Variants in NCKAP5 observed in about 807,000 individuals in gnomAD.
NCKAP5 encodes NCK associated protein 5.
NCKAP5 carries 92 observed loss-of-function variants against 167.0 expected under a neutral mutation model. The observed-to-expected ratio is 0.55, with a 90% CI of 0.47 to 0.66. The LOEUF is 0.66. Ranked by LOEUF, NCKAP5 falls within the 30% of genes least tolerant of loss-of-function variation. The pLI, the probability that NCKAP5 is intolerant of heterozygous loss-of-function variation, is 0.00. For missense variants in NCKAP5, 2,378 were observed against 2,315.0 expected, an observed-to-expected ratio of 1.03 and a Z score of -0.56; for synonymous variants, 891 against 877.4, an observed-to-expected ratio of 1.02 and a Z score of -0.27.
intron 2 of NCKAP5, among the ~76,000 whole-genome samples, chr2:133,532,481 TTC>T (rs1331811162): frequency 6.6e-6 from 1 of 152,326 alleles, no homozygotes; most frequent in African/African-American, 2.4e-5. Context: ...GTTCTTGTTT[TTC>T]TCTTTTATTG....
chr2:133,531,108 C>T (rs933867287), intron 2 of NCKAP5, among the ~76,000 whole-genome samples: 4 of 149,860 alleles, frequency 2.7e-5, no homozygotes, highest in African/African-American at 9.9e-5. Context: ...TCACATCCTT[C>T]AGTAAAGGAT....
intron 2 of NCKAP5, among the ~76,000 whole-genome samples, chr2:133,546,417 C>T (rs1369701819): frequency 6.6e-6 from 1 of 152,190 alleles, no homozygotes; most frequent in African/African-American, 2.4e-5. Context: ...TTCCCTGGAG[C>T]ATTCTTCAGC....
chr2:133,610,000 A>G, the NCKAP5 span, among the ~76,000 whole-genome samples: 1 of 152,158 alleles, frequency 6.6e-6, no homozygotes, highest in African/African-American at 2.4e-5. Flanking sequence ...TAACTTTCAA[A>G]CACCTGCTTG....
intron 3 of NCKAP5, among the ~76,000 whole-genome samples, chr2:133,374,583 G>A (rs768926238): frequency 1.8e-4 from 27 of 151,280 alleles, no homozygotes; most frequent in Admixed American, 7.3e-4. Flanking sequence ...GCAGTGGGTG[G>A]GGGATGTTGG....
intron 6 of NCKAP5, among the ~76,000 whole-genome samples, chr2:133,009,193 A>G (rs1490143713): frequency 1.3e-5 from 2 of 152,218 alleles, no homozygotes; most frequent in Admixed American, 1.3e-4. Flanking sequence ...ATTCTTGGAC[A>G]TGAACTATGA....
intron 11 of NCKAP5, among the ~76,000 whole-genome samples, chr2:132,822,571 G>A (rs1011458498): frequency 2.6e-5 from 4 of 152,110 alleles, no homozygotes; most frequent in Admixed American, 6.5e-5. Flanking sequence ...TGGCCAGTAG[G>A]TCTGGCCTCT....
chr2:133,260,811 A>G (rs1289398911), intron 4 of NCKAP5, among the ~76,000 whole-genome samples: 2 of 152,220 alleles, frequency 1.3e-5, no homozygotes, highest in Non-Finnish European at 1.5e-5. Context: ...CATCAGGTGA[A>G]CTGTGTGTTA....
intron 6 of NCKAP5, among the ~76,000 whole-genome samples, chr2:133,089,721 C>T (rs1199513194): frequency 6.6e-6 from 1 of 152,114 alleles, no homozygotes; most frequent in Non-Finnish European, 1.5e-5. Flanking sequence ...TCCAGCAGAA[C>T]CAGGGGCAAT....
chr2:132,971,277 G>A (rs2076827243), intron 7 of NCKAP5, among the ~76,000 whole-genome samples: 1 of 152,252 alleles, frequency 6.6e-6, no homozygotes, highest in South Asian at 2.1e-4. Flanking sequence ...CCCAGAATGA[G>A]GTGAGATCCG....
chr2:133,557,434 C>G (rs1687819928), intron 2 of NCKAP5, among the ~76,000 whole-genome samples: 1 of 152,178 alleles, frequency 6.6e-6, no homozygotes, highest in South Asian at 2.1e-4. Context: ...TCAGACTACA[C>G]AAGCACAGCC....
chr2:133,547,593 G>A (rs1444641508), intron 2 of NCKAP5, among the ~76,000 whole-genome samples: 1 of 151,528 alleles, frequency 6.6e-6, no homozygotes, highest in African/African-American at 2.4e-5. Context: ...CAGCCTAACT[G>A]GGAGGCACCC....
At chr2:133,539,042 G>A (rs1423521962) in intron 2 of NCKAP5, among the ~76,000 whole-genome samples, 5 of 144,184 alleles carry the variant, frequency 3.5e-5, no homozygotes, top group South Asian at 2.3e-4. Flanking sequence ...CCGGGTTCAC[G>A]CCATTCTCCT....
intron 8 of NCKAP5, among the ~76,000 whole-genome samples, chr2:132,889,239 C>T (rs752344923): frequency 5.3e-5 from 8 of 152,154 alleles, no homozygotes; most frequent in Non-Finnish European, 1.0e-4. Flanking sequence ...GCTGTGTCCT[C>T]CCCAAATTTC....
In NCKAP5 at chr2:132,946,198, A is replaced by G. The variant is rs142230538; in HGVS notation, c.579+17522T>C. 3.0e-4 allele frequency among the ~76,000 whole-genome samples: 45 copies of G among 152,310 alleles called. No homozygotes were observed. In the East Asian group the frequency reaches 8.1e-3, roughly 27 times the overall value. The stretch of plus-strand genomic sequence containing the variant: ...CCCCCCTCAGGTTGCCTGGTAATCA[A>G]TTTCCAAGTCTGCTGCAGCAAAAGC... On this transcript the variant is annotated intron_variant, in intron 8 of 19. Coordinates refer to ENST00000409261, the MANE Select transcript of NCKAP5 (RefSeq NM_207363.3).
At chr2:133,361,630 C>A (rs918563433) in intron 3 of NCKAP5, among the ~76,000 whole-genome samples, 3 of 152,108 alleles carry the variant, frequency 2.0e-5, no homozygotes, top group African/African-American at 7.2e-5. Flanking sequence ...AATATTCCTG[C>A]CACAAGAAAA....
At chr2:132,998,374 T>A (rs1170631278) in intron 6 of NCKAP5, among the ~76,000 whole-genome samples, 2 of 152,156 alleles carry the variant, frequency 1.3e-5, no homozygotes, top group Non-Finnish European at 2.9e-5. Flanking sequence ...TCTTGAGCAG[T>A]TCAGAACCCT....
intron 3 of NCKAP5, among the ~76,000 whole-genome samples, chr2:133,427,551 T>C (rs916918724): frequency 1.3e-5 from 2 of 152,128 alleles, no homozygotes; most frequent in African/African-American, 4.8e-5. Context: ...AGCAGATCCT[T>C]AGCACAGATA....
chr2:132,833,759 T>C (rs1014164770), intron 11 of NCKAP5, among the ~76,000 whole-genome samples: 2 of 152,200 alleles, frequency 1.3e-5, no homozygotes, highest in African/African-American at 4.8e-5. Context: ...TTGATTACTA[T>C]AGGCTTGTAA....
intron 5 of NCKAP5, among the ~76,000 whole-genome samples, chr2:133,208,317 A>G (rs2086053597): frequency 6.6e-6 from 1 of 152,194 alleles, no homozygotes; most frequent in Non-Finnish European, 1.5e-5. Flanking sequence ...TGGCCTGGGC[A>G]ACAGAGCGAG....
Sources: gnomAD v4.1 joint callset for allele counts (sites outside exome capture counted in the v4.1 genomes callset) on GRCh38, gnomAD v4.1.1 for gene constraint, MANE v1.5 for transcripts, NCBI Gene and HGNC (gene_info 2026-07-23, HGNC 2026-07-21) for gene names.